The following PPP1R42 variants were observed in gnomAD, a reference collection of about 807,000 sequenced individuals.
PPP1R42 encodes protein phosphatase 1 regulatory subunit 42, also known as leucine rich repeat containing 67.
Under a neutral mutation model 31.0 loss-of-function variants are expected in PPP1R42, and 34 were observed. The observed-to-expected ratio is 1.10, with a 90% CI of 0.83 to 1.46. PPP1R42 has a LOEUF of 1.46. Ranked by LOEUF, PPP1R42 falls within the 40% of genes most tolerant of loss-of-function variation. The probability of loss-of-function intolerance (pLI) is 0.00; values close to 1 mark genes in which losing one functional copy is unlikely to be tolerated. For synonymous variants in PPP1R42, 103 were observed against 109.8 expected, an observed-to-expected ratio of 0.94 and a Z score of 0.39; for missense variants, 268 against 303.0, an observed-to-expected ratio of 0.88 and a Z score of 0.86.
intron 5 of PPP1R42, among the ~76,000 whole-genome samples, chr8:67,008,519 C>A (rs1455494138): frequency 6.6e-6 from 1 of 151,882 alleles, no homozygotes. Context: ...ACCAGTCTGG[C>A]CAACATGGCG....
At chr8:67,007,930 C>T (rs571552579) in intron 5 of PPP1R42, among the ~76,000 whole-genome samples, 100 of 149,258 alleles carry the variant, frequency 6.7e-4, no homozygotes, top group African/African-American at 2.4e-3. Flanking sequence ...CTGTGTCACC[C>T]AGGCTGGAAT....
At chr8:66,990,435 G>A (rs967752445) in intron 5 of PPP1R42, among the ~76,000 whole-genome samples, 17 of 152,096 alleles carry the variant, frequency 1.1e-4, no homozygotes, top group African/African-American at 3.6e-4. Flanking sequence ...CTTTGGATAC[G>A]CTCTGGTTGT....
intron 7 of PPP1R42, among the ~76,000 whole-genome samples, chr8:66,980,625 G>A (rs967239805): frequency 6.6e-6 from 1 of 152,120 alleles, no homozygotes; most frequent in Non-Finnish European, 1.5e-5. Context: ...ATGTCCTAGA[G>A]TGACAGAGCT....
chr8:66,980,437 CA>C (rs896672376), intron 7 of PPP1R42, among the ~76,000 whole-genome samples: 1 of 152,010 alleles, frequency 6.6e-6, no homozygotes, highest in African/African-American at 2.4e-5. Context: ...CTGTGTTCCC[CA>C]AGCTGATCTT....
intron 6 of PPP1R42, chr8:66,986,100 A>G (rs1209428410): frequency 2.8e-6 from 2 of 715,084 alleles, no homozygotes; most frequent in African/African-American, 3.5e-5. Flanking sequence ...CTTCTTGTCC[A>G]TGCTCTTCCC....
Position 66,982,064 on chromosome 8 carries a change from T to C in PPP1R42, c.787A>G (p.Ser263Gly). The C allele has an allele frequency of 1.4e-6, 2 of 1,461,122 alleles. No individual in the cohort carries two copies. The highest frequency in any genetic ancestry group is 5.4e-5 in the East Asian group (2 of 37,372). The allele number at this position is 1,461,122 out of a possible 1,614,324, so 90.5% of individuals were successfully genotyped here. ...KKRSSKNEDA[S>G]NSLIRISL ...GAGTGCTTACTTATGAGTGAATTGCTTGCATCCTCATTTTTACTGCTCCTT... is the reference window on the plus strand; with the variant it reads ...GAGTGCTTACTTATGAGTGAATTGCCTGCATCCTCATTTTTACTGCTCCTT... The change falls in exon 7 of 8, where the codon AGC becomes GGC. Residue 263 changes from serine to glycine, a missense_variant. Ser to Gly is a moderately conservative substitution (Grantham distance 56). Coordinates refer to ENST00000685739, the MANE Select transcript of PPP1R42 (RefSeq NM_001364910.1).
intron 5 of PPP1R42, among the ~76,000 whole-genome samples, chr8:66,992,996 C>T (rs1815234915): frequency 6.6e-6 from 1 of 152,156 alleles, no homozygotes; most frequent in Non-Finnish European, 1.5e-5. Flanking sequence ...ATGTACTTGA[C>T]ATTTTCTCTG....
chr8:66,980,313 A>T (rs1193193257), intron 7 of PPP1R42, among the ~76,000 whole-genome samples: 1 of 151,964 alleles, frequency 6.6e-6, no homozygotes, highest in East Asian at 1.9e-4. Context: ...TACAGCCTTG[A>T]TCTCCCAGGC....
In PPP1R42 at chr8:67,014,528, AT is replaced by A. The variant is rs770007357; in HGVS notation, c.193del (p.Ile65SerfsTer4). On this transcript the variant is annotated frameshift_variant, in exon 3 of 8. Transcript: ENST00000685739. LOFTEE classifies it high-confidence loss of function. ...LYLYDNCISQ[I>X]TNLNYATNLT... is the part of the protein sequence containing the mutation. ...ATTTGTGGCATAATTCAGGTTAGTGATTTGACTAATACAATTATCATATAAA... is the reference window on the plus strand; with the variant it reads ...ATTTGTGGCATAATTCAGGTTAGTGATTGACTAATACAATTATCATATAAA... 2.3e-5 allele frequency: 36 copies of A among 1,564,344 alleles called. No individual in the cohort carries two copies. Among genetic ancestry groups the A allele is most frequent in the Non-Finnish European group, 4.4e-6 (5 of 1,141,398 alleles).
At chr8:67,022,402 A>G (rs963728845) in intron 1 of PPP1R42, among the ~76,000 whole-genome samples, 1 of 152,200 alleles carries the variant, frequency 6.6e-6, no homozygotes, top group Non-Finnish European at 1.5e-5. Context: ...TCTATTAGAT[A>G]CTAATATTTC....
intron 6 of PPP1R42, among the ~76,000 whole-genome samples, chr8:66,982,697 A>G (rs1814879331): frequency 6.6e-6 from 1 of 152,156 alleles, no homozygotes; most frequent in Non-Finnish European, 1.5e-5. Flanking sequence ...AGCTTAAGCA[A>G]TCCGCCTGCC....
chr8:67,023,961 G>C (rs1816303342), intron 1 of PPP1R42, among the ~76,000 whole-genome samples: 1 of 151,876 alleles, frequency 6.6e-6, no homozygotes, highest in African/African-American at 2.4e-5. Flanking sequence ...TGGCCAAAAT[G>C]GTGAAAACCC....
In PPP1R42 at chr8:66,993,417, C is replaced by T. The variant is rs182866269; in HGVS notation, c.553-4900G>A. On this transcript the variant is annotated intron_variant, in intron 5 of 7. Transcript: ENST00000685739. ...AAACTCTCTTTCATGCCTATGTGGC[C>T]CATCTACCCGCTGGCCTCTGCACTA... Among the ~76,000 whole-genome samples the T allele has an allele frequency of 2.3e-3, 347 of 152,326 alleles. 2 individuals are homozygous for T. The highest frequency in any genetic ancestry group is 7.9e-3 in the African/African-American group (329 of 41,584).
chr8:67,001,872 C>A (rs1009443449), intron 5 of PPP1R42, among the ~76,000 whole-genome samples: 1 of 152,168 alleles, frequency 6.6e-6, no homozygotes, highest in African/African-American at 2.4e-5. Context: ...TGTGGCAGGA[C>A]GTTCACTTGA....
At chr8:66,982,508 G>A (rs1186497970) in intron 6 of PPP1R42, among the ~76,000 whole-genome samples, 4 of 151,510 alleles carry the variant, frequency 2.6e-5, no homozygotes, top group Admixed American at 2.6e-4. Flanking sequence ...CCAGGCTGGA[G>A]TGCATGGAGT....
At chr8:67,005,841 TG>T (rs1482778245) in intron 5 of PPP1R42, among the ~76,000 whole-genome samples, 2 of 152,008 alleles carry the variant, frequency 1.3e-5, no homozygotes, top group Non-Finnish European at 2.9e-5. Context: ...AATAGAGAAT[TG>T]TTTTTTTTTT....
intron 7 of PPP1R42, among the ~76,000 whole-genome samples, chr8:66,975,579 G>T (rs924617293): frequency 6.6e-6 from 1 of 152,170 alleles, no homozygotes; most frequent in Non-Finnish European, 1.5e-5. Flanking sequence ...CTGGGAGGCA[G>T]AGGTTGCAAT....
chr8:67,010,265 G>A (rs1815804516), intron 5 of PPP1R42, among the ~76,000 whole-genome samples: 1 of 152,156 alleles, frequency 6.6e-6, no homozygotes, highest in Admixed American at 6.5e-5. Flanking sequence ...GATATAACAT[G>A]ACATTAATAT....
chr8:67,005,103 CT>C (rs766691539), intron 5 of PPP1R42, among the ~76,000 whole-genome samples: 2,687 of 120,824 alleles, frequency 0.022, 37 homozygotes, highest in African/African-American at 0.052. Flanking sequence ...AATCCACCCA[CT>C]TTTTTTTTTT....
Sources: gnomAD v4.1 joint callset for allele counts (sites outside exome capture counted in the v4.1 genomes callset) on GRCh38, gnomAD v4.1.1 for gene constraint, MANE v1.5 for transcripts, NCBI Gene and HGNC (gene_info 2026-07-23, HGNC 2026-07-21) for gene names.